ZNF330: variants seen among roughly 807,000 people sequenced by gnomAD.
The protein encoded by ZNF330 is nucleolar atypical zinc finger, also known as zinc finger protein 330.
Under a neutral mutation model 45.5 loss-of-function variants are expected in ZNF330, and 31 were observed. The observed-to-expected ratio is 0.68, with a 90% CI of 0.51 to 0.92. The LOEUF (loss-of-function observed/expected upper bound fraction) is 0.92, where lower values mean the gene tolerates loss of function less well. Among genes scored for constraint, ZNF330 ranks in the 40% least tolerant of loss-of-function variants. The pLI is 0.00. For synonymous variants in ZNF330, 138 were observed against 123.2 expected (o/e 1.12, Z -0.79); for missense variants, 356 against 387.4 (o/e 0.92, Z 0.68).
intron 5 of ZNF330, among the ~76,000 whole-genome samples, chr4:141,229,265 AG>A (rs1173454252): frequency 6.6e-6 from 1 of 152,164 alleles, no homozygotes; most frequent in African/African-American, 2.4e-5. Flanking sequence ...ATTCATTTTG[AG>A]GAAAATACTT....
Position 141,233,698 on chromosome 4 carries a change from T to C in ZNF330, c.689-17T>C. The C allele has an allele frequency of 6.2e-7, 1 of 1,605,962 alleles. No homozygotes were observed. Among genetic ancestry groups the C allele is most frequent in the Non-Finnish European group, 8.5e-7 (1 of 1,174,982 alleles). On this transcript the variant is annotated splice_polypyrimidine_tract_variant and intron_variant, in intron 9 of 9. Transcript: ENST00000262990. ...CTGGAACTAACAAAATGCCTTGTAC[T>C]TGTCTGTCTTCTATAGCACGCTCCC...
At chr4:141,224,079 G>T in intron 2 of ZNF330, 1 of 282,816 alleles carries the variant, frequency 3.5e-6, no homozygotes, top group Non-Finnish European at 6.9e-6. Context: ...TCTTTGGAAC[G>T]GTGCCTTAGA....
rs112968048 is a variant in ZNF330, at chr4:141,233,389, C to T, written c.689-326C>T. 2.9e-3 allele frequency among the ~76,000 whole-genome samples: 435 copies of T among 152,148 alleles called. 3 individuals are homozygous for T. The highest frequency in any genetic ancestry group is 0.01 in the African/African-American group (419 of 41,514). On this transcript the variant is annotated intron_variant, in intron 9 of 9. Coordinates refer to ENST00000262990, the MANE Select transcript of ZNF330 (RefSeq NM_014487.6). ...CTGTCTTAAGAAAAATGTACTGATA[C>T]GAAATCAGCTGTATTCTGTGATTTA...
chr4:141,221,387 G>GA (rs149322884), intron 1 of ZNF330, among the ~76,000 whole-genome samples: 36 of 150,812 alleles, frequency 2.4e-4, no homozygotes, highest in Non-Finnish European at 3.5e-4. Flanking sequence ...AAACTGGAGG[G>GA]AAAAAAAAAT....
chr4:141,231,538 C>T, intron 8 of ZNF330, 53 bp downstream of exon 8: 1 of 1,342,044 alleles, frequency 7.5e-7, no homozygotes, highest in Non-Finnish European at 1.0e-6. Flanking sequence ...CTCTATACCC[C>T]TCCACCAGTC....
At chr4:141,226,389 A>C (rs778447058) in intron 4 of ZNF330, among the ~76,000 whole-genome samples, 3 of 152,186 alleles carry the variant, frequency 2.0e-5, no homozygotes, top group Non-Finnish European at 2.9e-5. Context: ...TAAAATGTAA[A>C]ATTTGTTATA....
Position 141,233,850 on chromosome 4 carries a change from A to G in ZNF330, c.824A>G (p.Tyr275Cys), listed in dbSNP as rs1729017734. The G allele has an allele frequency of 1.9e-6, 3 of 1,613,768 alleles. No individual in the cohort carries two copies. Among genetic ancestry groups the G allele is most frequent in the South Asian group, 2.2e-5 (2 of 91,080 alleles). ...TSYHDEEEDE[Y>C]EAEDDEEEED... The stretch of plus-strand genomic sequence containing the variant: ...TACCACGATGAGGAGGAGGATGAGT[A>G]TGAAGCAGAGGATGATGAAGAGGAA... The change falls in exon 10 of 10, where the codon TAT becomes TGT. Residue 275 changes from tyrosine to cysteine, a missense_variant. Transcript: ENST00000262990.
chr4:141,229,458 A>G, intron 5 of ZNF330, 113 bp from the exon 6 acceptor site: 1 of 1,382,368 alleles, frequency 7.2e-7, no homozygotes, highest in South Asian at 1.3e-5. Flanking sequence ...GCCTACTATC[A>G]TTGAGGGTTG....
rs1156777147 is a variant in ZNF330 at position 141,234,222 on chromosome 4, G to T, written c.*233G>T. 6.1e-5 allele frequency: 42 copies of T among 689,346 alleles called. 1 individual carries two copies. The South Asian group carries it at 8.1e-4, about 13-fold the overall frequency. The allele number at this position is 689,346 out of a possible 1,614,324, so 42.7% of individuals were successfully genotyped here. A position where few individuals can be genotyped will look rare whatever the true frequency, so the allele number is the denominator to read the frequency against. ...ATGTTTATTGATCGAAGCAATTGAA[G>T]TATCATGGATTGGATTGTTACTGAT... On this transcript the variant is annotated 3_prime_UTR_variant, in exon 10 of 10. Transcript: ENST00000262990.
At chr4:141,231,653 T>A (rs957490393) in intron 8 of ZNF330, among the ~76,000 whole-genome samples, 168 bp downstream of exon 8, 15 of 152,148 alleles carry the variant, frequency 9.9e-5, no homozygotes, top group Non-Finnish European at 2.2e-4. Flanking sequence ...AAAGCTTACA[T>A]GACTTTCCAA....
chr4:141,231,620 G>T, intron 8 of ZNF330, 135 bp downstream of exon 8: 1 of 575,974 alleles, frequency 1.7e-6, no homozygotes, highest in Non-Finnish European at 2.9e-6. Context: ...TTTTATTTTT[G>T]AGACTGTGGA....
At position 141,232,569 on chromosome 4, in the gene ZNF330, A is replaced by G; in HGVS notation, c.615A>G (p.Gln205=). 1 of 1,601,188 alleles carries G rather than the reference A, an allele frequency of 6.2e-7. No homozygotes were observed. The highest frequency in any genetic ancestry group is 8.5e-7 in the Non-Finnish European group (1 of 1,173,782). The change falls in exon 9 of 10, where the codon CAA becomes CAG. Residue 205 remains glutamine, a synonymous_variant. Coordinates refer to ENST00000262990, the MANE Select transcript of ZNF330 (RefSeq NM_014487.6). ...DDHTRSKVFK[Q]EKGKQPPCPK... ...ATACAAGGAGCAAAGTGTTTAAGCA[A>G]GAAAAAGGAAAACAGCCTCCTTGTC...
rs1578807492 is a variant in ZNF330 at position 141,224,341 on chromosome 4, G to A, written c.121-146G>A. 8.6e-6 allele frequency: 6 copies of A among 701,228 alleles called. No individual in the cohort carries two copies. In the East Asian group the frequency reaches 1.5e-4, roughly 18 times the overall value. 43.4% of individuals were successfully genotyped at this position (701,228 alleles called of 1,614,324 possible). On this transcript the variant is annotated intron_variant, in intron 2 of 9. Transcript: ENST00000262990. ...ACCTTTGTTATTTTAAGCATGGGTA[G>A]GTGCTTGTATACATGGGTGGAGTTG...
chr4:141,222,388 C>T lies in ZNF330; in HGVS notation c.17C>T (p.Thr6Ile). 2.5e-6 allele frequency: 4 copies of T among 1,612,788 alleles called. No individual in the cohort carries two copies. Among genetic ancestry groups the T allele is most frequent in the Non-Finnish European group, 3.4e-6 (4 of 1,179,402 alleles). The change falls in exon 2 of 10, where the codon ACT becomes ATT. Residue 6 changes from threonine to isoleucine, a missense_variant. Transcript: ENST00000262990. MPKKK[T>I]GARKKAENRR... ...TAGGGGAAAATGCCTAAAAAAAAGA[C>T]TGGTGCGAGGAAGAAGGCTGAGAAC... is the stretch of plus-strand genomic sequence containing the variant.
rs769043865 is a variant in ZNF330 at position 141,229,577 on chromosome 4, A to G, written c.298A>G (p.Ile100Val). ...YSTGLAMVGA[I>V]CDFCEAWVCH... ...TCTTGTTCCTTGGTTACAGGGTGCA[A>G]TATGTGACTTCTGTGAAGCTTGGGT... Residue 100 changes from isoleucine to valine, a missense_variant, in exon 6 of 10, where the codon ATA becomes GTA. Coordinates refer to ENST00000262990, the MANE Select transcript of ZNF330 (RefSeq NM_014487.6). 9 of 1,612,702 alleles carry G rather than the reference A, an allele frequency of 5.6e-6. No homozygotes were observed. Among genetic ancestry groups the G allele is most frequent in the East Asian group, 2.2e-5 (1 of 44,846 alleles).
intron 5 of ZNF330, among the ~76,000 whole-genome samples, chr4:141,228,730 A>G (rs1029080876): frequency 2.0e-5 from 3 of 152,118 alleles, no homozygotes; most frequent in Non-Finnish European, 4.4e-5. Flanking sequence ...GTTGTTTACT[A>G]CATTTGTTTC....
At chr4:141,224,407 C>T in intron 2 of ZNF330, 80 bp from the exon 3 acceptor site, 1 of 1,332,316 alleles carries the variant, frequency 7.5e-7, no homozygotes, top group Admixed American at 1.9e-5. Flanking sequence ...ACCTGAAAAG[C>T]AGGTTATTCT....
At chr4:141,224,779 G>T in intron 4 of ZNF330, 102 bp downstream of exon 4, 1 of 944,544 alleles carries the variant, frequency 1.1e-6, no homozygotes, top group Non-Finnish European at 1.7e-6. Flanking sequence ...GCTTACAATT[G>T]TTGATAATAT....
At chr4:141,221,580 C>T in intron 1 of ZNF330, among the ~76,000 whole-genome samples, 1 of 152,076 alleles carries the variant, frequency 6.6e-6, no homozygotes, top group Admixed American at 6.5e-5. Flanking sequence ...CCGAAATAAC[C>T]ACCTATTAAA....
Sources: gnomAD v4.1 joint callset for allele counts (sites outside exome capture counted in the v4.1 genomes callset) on GRCh38, gnomAD v4.1.1 for gene constraint, MANE v1.5 for transcripts, NCBI Gene and HGNC (gene_info 2026-07-23, HGNC 2026-07-21) for gene names.